PRKAG2: variants seen among roughly 807,000 people sequenced by gnomAD.
The protein encoded by PRKAG2 is protein kinase AMP-activated non-catalytic subunit gamma 2, also known as 5'-AMP-activated protein kinase subunit gamma-2.
A neutral mutation model predicts 69.6 loss-of-function variants in PRKAG2; 26 were observed. The observed-to-expected ratio is 0.37, with a 90% CI of 0.27 to 0.52. The LOEUF (loss-of-function observed/expected upper bound fraction) is 0.52, where lower values mean the gene tolerates loss of function less well. Ranked by LOEUF, PRKAG2 falls within the 20% of genes least tolerant of loss-of-function variation. The pLI, the probability that PRKAG2 is intolerant of heterozygous loss-of-function variation, is 0.90. For missense variants in PRKAG2, 557 were observed against 740.0 expected (o/e 0.75, Z 2.87); for synonymous variants, 293 against 285.0 (o/e 1.03, Z -0.28).
chr7:151,573,160 G>GT lies in PRKAG2; in HGVS notation c.1006-452dup, dbSNP rs770975155. Among the ~76,000 whole-genome samples, 1,071 of 139,746 alleles carry GT rather than the reference G, an allele frequency of 7.7e-3. 5 individuals are homozygous for GT. Among genetic ancestry groups the GT allele is most frequent in the East Asian group, 0.015 (72 of 4,890 alleles). The allele number at this position is 139,746 out of a possible 152,430, so 91.7% of individuals were successfully genotyped here. ...ATATAGAGAAAAAAATGTATCTCAA[G>GT]TTTTTTTTTTTTTTTGAGACAAGGT... On this transcript the variant is annotated intron_variant, in intron 8 of 15. Transcript: ENST00000287878.
rs535807669 is a variant in PRKAG2 at position 151,723,032 on chromosome 7, G to A, written c.467-47395C>T. On this transcript the variant is annotated intron_variant, in intron 3 of 15. Transcript: ENST00000287878. ...AGCCTGCCCACTCCTCCCCTCCACC[G>A]CAGGAGAACTGGAGAAATTCTATGC... Among the ~76,000 whole-genome samples, 21 of 152,200 alleles carry A rather than the reference G, an allele frequency of 1.4e-4. 1 individual carries two copies. In the South Asian group the frequency reaches 2.9e-3, roughly 21 times the overall value.
intron 1 of PRKAG2, among the ~76,000 whole-genome samples, chr7:151,861,500 C>T (rs1309528884): frequency 7.3e-6 from 1 of 137,468 alleles, no homozygotes; most frequent in Non-Finnish European, 1.5e-5. Context: ...TGCATTCCAG[C>T]CTGGGTGACA....
intron 4 of PRKAG2, among the ~76,000 whole-genome samples, chr7:151,664,886 C>T (rs1229531067): frequency 1.3e-5 from 2 of 152,130 alleles, no homozygotes; most frequent in African/African-American, 2.4e-5. Flanking sequence ...AAGTGGCCAT[C>T]GTCATGGTTA....
At chr7:151,564,421 T>A in intron 13 of PRKAG2, 197 bp from the exon 14 acceptor site, 1 of 570,698 alleles carries the variant, frequency 1.8e-6, no homozygotes, top group Non-Finnish European at 3.1e-6. Flanking sequence ...CAATCACAAT[T>A]AAAGATAACC....
At chr7:151,640,989 C>T (rs1826569975) in intron 4 of PRKAG2, among the ~76,000 whole-genome samples, 1 of 152,176 alleles carries the variant, frequency 6.6e-6, no homozygotes, top group South Asian at 2.1e-4. Flanking sequence ...TCAATTTACT[C>T]ATGCTTCCCT....
intron 1 of PRKAG2, among the ~76,000 whole-genome samples, chr7:151,826,133 T>C (rs1015955177): frequency 1.3e-5 from 2 of 151,640 alleles, no homozygotes; most frequent in Non-Finnish European, 2.9e-5. Flanking sequence ...CCCCCACCCA[T>C]CCATTCTCTC....
chr7:151,710,245 G>A (rs1795064033), intron 3 of PRKAG2, among the ~76,000 whole-genome samples: 4 of 152,250 alleles, frequency 2.6e-5, no homozygotes, highest in African/African-American at 9.6e-5. Context: ...AGAACTCTAA[G>A]TCCGGGACTT....
At chr7:151,829,173 A>C (rs2078968586) in intron 1 of PRKAG2, among the ~76,000 whole-genome samples, 1 of 152,244 alleles carries the variant, frequency 6.6e-6, no homozygotes, top group Non-Finnish European at 1.5e-5. Context: ...GTTCAACTCA[A>C]TAGTAAAAAG....
intron 3 of PRKAG2, among the ~76,000 whole-genome samples, chr7:151,726,822 G>A (rs1040757707): frequency 1.1e-4 from 17 of 152,208 alleles, no homozygotes; most frequent in South Asian, 4.2e-4. Flanking sequence ...GTGCAAATTC[G>A]TCATCTATGA....
At chr7:151,757,231 C>G (rs2075150323) in intron 3 of PRKAG2, among the ~76,000 whole-genome samples, 1 of 152,120 alleles carries the variant, frequency 6.6e-6, no homozygotes. Flanking sequence ...AAGCACAAAA[C>G]CTTTGGCATT....
intron 15 of PRKAG2, 38 bp from the exon 16 acceptor site, chr7:151,557,270 G>A (rs777044418): frequency 9.9e-6 from 16 of 1,613,788 alleles, no homozygotes; most frequent in African/African-American, 5.3e-5. Context: ...CAAAGCTCAT[G>A]GTAACAGCAG....
intron 9 of PRKAG2, 96 bp from the exon 10 acceptor site, chr7:151,570,321 T>A: frequency 7.4e-7 from 1 of 1,352,714 alleles, no homozygotes; most frequent in Non-Finnish European, 1.0e-6. Flanking sequence ...GGTTAATAGT[T>A]AGAAGGATTA....
chr7:151,655,867 T>A (rs1230140507), intron 4 of PRKAG2, among the ~76,000 whole-genome samples: 3 of 152,136 alleles, frequency 2.0e-5, no homozygotes, highest in Non-Finnish European at 1.5e-5. Flanking sequence ...TAAATTATTA[T>A]CACACCCCAC....
At chr7:151,830,868 G>C (rs2079010732) in intron 1 of PRKAG2, among the ~76,000 whole-genome samples, 1 of 151,872 alleles carries the variant, frequency 6.6e-6, no homozygotes, top group Admixed American at 6.6e-5. Flanking sequence ...CTCTCACCTG[G>C]AGTGACTTCG....
At chr7:151,867,369 G>A (rs777861859) in intron 1 of PRKAG2, among the ~76,000 whole-genome samples, 6 of 152,148 alleles carry the variant, frequency 3.9e-5, no homozygotes, top group South Asian at 2.1e-4. Flanking sequence ...AGAGCCACAC[G>A]CCCTCCGAAA....
intron 1 of PRKAG2, among the ~76,000 whole-genome samples, chr7:151,808,835 T>C (rs7802612): frequency 0.74 from 112,234 of 152,066 alleles, 41,944 homozygotes; most frequent in South Asian, 0.85. Flanking sequence ...AGTCCTGCAG[T>C]CTGTGAGACC....
intron 4 of PRKAG2, among the ~76,000 whole-genome samples, chr7:151,661,348 T>G (rs1830289907): frequency 6.6e-6 from 1 of 152,230 alleles, no homozygotes; most frequent in Admixed American, 6.5e-5. Context: ...CGGCTAATTT[T>G]TATGTTTTTG....
At chr7:151,854,982 TGC>T (rs2079673698) in intron 1 of PRKAG2, among the ~76,000 whole-genome samples, 1 of 20,632 alleles carries the variant, frequency 4.8e-5, no homozygotes, top group Non-Finnish European at 1.0e-4. Context: ...ACACACACCA[TGC>T]TCCACACACA....
At chr7:151,832,370 G>A (rs1057345118) in intron 1 of PRKAG2, among the ~76,000 whole-genome samples, 41 of 152,112 alleles carry the variant, frequency 2.7e-4, no homozygotes, top group African/African-American at 9.7e-4. Flanking sequence ...TGTTGGGGGC[G>A]AAGCAGAAGC....
Sources: allele counts gnomAD v4.1 joint callset (sites outside exome capture counted in the v4.1 genomes callset), GRCh38; gene constraint gnomAD v4.1.1; transcripts MANE v1.5; gene names NCBI Gene and HGNC (gene_info 2026-07-23, HGNC 2026-07-21).